BTBD1: variants seen among roughly 807,000 people sequenced by gnomAD.
The protein encoded by BTBD1 is BTB/POZ domain-containing protein 1.
Under a neutral mutation model 48.0 loss-of-function variants are expected in BTBD1, and 34 were observed. The observed-to-expected ratio is 0.71, with a 90% CI of 0.54 to 0.94. The LOEUF (loss-of-function observed/expected upper bound fraction) is 0.94, where lower values mean the gene tolerates loss of function less well. BTBD1 is among the 40% of genes least tolerant of loss of function. The pLI, the probability that BTBD1 is intolerant of heterozygous loss-of-function variation, is 0.00. For synonymous variants in BTBD1, 261 were observed against 242.1 expected, an observed-to-expected ratio of 1.08 and a Z score of -0.72; for missense variants, 543 against 625.6, an observed-to-expected ratio of 0.87 and a Z score of 1.41.
At chr15:83,051,211 A>G (rs1219676147) in intron 2 of BTBD1, among the ~76,000 whole-genome samples, 1 of 152,180 alleles carries the variant, frequency 6.6e-6, no homozygotes, top group Non-Finnish European at 1.5e-5. Flanking sequence ...CTAAATGCCC[A>G]AAGGTATTAT....
At chr15:83,064,782 T>C (rs2033233042) in intron 1 of BTBD1, among the ~76,000 whole-genome samples, 1 of 152,192 alleles carries the variant, frequency 6.6e-6, no homozygotes, top group Non-Finnish European at 1.5e-5. Context: ...ACTTCTAGTC[T>C]AGAAAATCCA....
intron 4 of BTBD1, among the ~76,000 whole-genome samples, chr15:83,032,520 A>T (rs1390677494): frequency 6.6e-6 from 1 of 152,210 alleles, no homozygotes; most frequent in Non-Finnish European, 1.5e-5. Flanking sequence ...AATGTGGTAT[A>T]CATACACCAT....
intron 4 of BTBD1, among the ~76,000 whole-genome samples, chr15:83,032,984 A>AAC (rs1161026760): frequency 5.9e-5 from 9 of 151,648 alleles, no homozygotes; most frequent in East Asian, 1.9e-4. Flanking sequence ...AAAAAAAAAA[A>AAC]AAAACAGAAT....
At chr15:83,063,492 C>T (rs556629460) in intron 1 of BTBD1, among the ~76,000 whole-genome samples, 34 of 152,300 alleles carry the variant, frequency 2.2e-4, no homozygotes, top group African/African-American at 6.3e-4. Context: ...AATTCACCAT[C>T]GCCTCTTGCC....
chr15:83,022,253 T>C (rs919876256), intron 5 of BTBD1: 1 of 150,388 alleles, frequency 6.6e-6, no homozygotes, highest in Non-Finnish European at 1.5e-5. Flanking sequence ...GGAGTCTAAC[T>C]AAGTTGCCCA....
chr15:83,056,124 T>G (rs1011161457), intron 2 of BTBD1, among the ~76,000 whole-genome samples: 1 of 152,050 alleles, frequency 6.6e-6, no homozygotes, highest in African/African-American at 2.4e-5. Flanking sequence ...AGGCTGGTCT[T>G]GAACTCCTGA....
At chr15:83,060,944 T>C (rs1049403693) in intron 1 of BTBD1, among the ~76,000 whole-genome samples, 3 of 152,230 alleles carry the variant, frequency 2.0e-5, no homozygotes, top group Non-Finnish European at 2.9e-5. Context: ...AGGGACTATA[T>C]AGCAGGCACT....
intron 2 of BTBD1, among the ~76,000 whole-genome samples, chr15:83,055,124 C>T (rs1425755647): frequency 6.6e-6 from 1 of 152,048 alleles, no homozygotes; most frequent in African/African-American, 2.4e-5. Flanking sequence ...AAGAAAAAAA[C>T]TGTTGATATA....
At chr15:83,057,639 T>C (rs2033110157) in intron 1 of BTBD1, among the ~76,000 whole-genome samples, 1 of 152,350 alleles carries the variant, frequency 6.6e-6, no homozygotes, top group Non-Finnish European at 1.5e-5. Context: ...CACAGCACCA[T>C]GTGCTGGTTT....
chr15:83,065,710 T>C (rs2033255835), intron 1 of BTBD1, among the ~76,000 whole-genome samples: 1 of 152,230 alleles, frequency 6.6e-6, no homozygotes, highest in Admixed American at 6.5e-5. Flanking sequence ...TTGACTCTTC[T>C]GGGCCTCAGT....
intron 2 of BTBD1, among the ~76,000 whole-genome samples, chr15:83,051,875 T>TAC (rs1187803458): frequency 0.018 from 787 of 43,722 alleles, 14 homozygotes; most frequent in African/African-American, 0.035. Context: ...TTTCCATATA[T>TAC]ATACACACAC....
intron 3 of BTBD1, among the ~76,000 whole-genome samples, chr15:83,049,180 CCA>C (rs2032933071): frequency 6.6e-6 from 1 of 152,072 alleles, no homozygotes; most frequent in African/African-American, 2.4e-5. Context: ...GGAACCAATC[CCA>C]CACAGTACAT....
At chr15:83,032,716 T>C (rs950571760) in intron 4 of BTBD1, among the ~76,000 whole-genome samples, 4 of 152,024 alleles carry the variant, frequency 2.6e-5, no homozygotes, top group African/African-American at 4.8e-5. Context: ...ATAATGAACT[T>C]TGGGGACTTG....
Position 83,030,264 on chromosome 15 carries a change from G to T in BTBD1, c.927C>A (p.Val309=). 6.2e-7 allele frequency: 1 copy of T among 1,614,026 alleles called. No individual in the cohort carries two copies. The highest frequency in any genetic ancestry group is 8.5e-7 in the Non-Finnish European group (1 of 1,179,988). The part of the protein sequence containing the change: ...EVVNLFLHFT[V]NPKPRVEYID... ...TGTATTCAACTCGGGGTTTAGGGTT[G>T]ACAGTAAAATGAAGAAAGAGGTTTA... Residue 309 remains valine, a synonymous_variant, in exon 5 of 8, where the codon GTC becomes GTA. Coordinates refer to ENST00000261721, the MANE Select transcript of BTBD1 (RefSeq NM_025238.4).
intron 1 of BTBD1, among the ~76,000 whole-genome samples, chr15:83,066,497 C>T (rs1391305886): frequency 6.6e-6 from 1 of 152,188 alleles, no homozygotes. Flanking sequence ...TGCGAAACGC[C>T]TTTCAATGGT....
At chr15:83,027,959 AT>A (rs1041831072) in intron 5 of BTBD1, among the ~76,000 whole-genome samples, 2 of 152,216 alleles carry the variant, frequency 1.3e-5, no homozygotes, top group African/African-American at 4.8e-5. Flanking sequence ...TATCAATTAC[AT>A]TTATTCCCCT....
At chr15:83,053,423 C>A (rs1410029905) in intron 2 of BTBD1, among the ~76,000 whole-genome samples, 1 of 151,990 alleles carries the variant, frequency 6.6e-6, no homozygotes, top group Admixed American at 6.6e-5. Flanking sequence ...CATAGTGACA[C>A]CTGTTAATCC....
At chr15:83,025,621 C>T (rs929244856) in intron 5 of BTBD1, among the ~76,000 whole-genome samples, 1 of 151,940 alleles carries the variant, frequency 6.6e-6, no homozygotes, top group African/African-American at 2.4e-5. Flanking sequence ...TAATATTCAA[C>T]ATATATAGTG....
intron 1 of BTBD1, among the ~76,000 whole-genome samples, chr15:83,058,190 G>T (rs2033119409): frequency 6.6e-6 from 1 of 152,176 alleles, no homozygotes. Flanking sequence ...TTGGGGTTCT[G>T]CCAGGAAAGG....
Sources: allele counts gnomAD v4.1 joint callset (sites outside exome capture counted in the v4.1 genomes callset), GRCh38; gene constraint gnomAD v4.1.1; transcripts MANE v1.5; gene names NCBI Gene and HGNC (gene_info 2026-07-23, HGNC 2026-07-21).